GRIP1: variants seen among roughly 807,000 people sequenced by gnomAD.
GRIP1 encodes glutamate receptor interacting protein 1.
Under a neutral mutation model 129.9 loss-of-function variants are expected in GRIP1, and 45 were observed. The ratio of observed to expected loss-of-function variants is 0.35; its 90% CI spans 0.27 to 0.44. The LOEUF is 0.44. Among genes scored for constraint, GRIP1 ranks in the 20% least tolerant of loss-of-function variants. The pLI is 1.00. For missense variants in GRIP1, 1,196 were observed against 1,396.8 expected (o/e 0.86, Z 2.29); for synonymous variants, 530 against 520.8 (o/e 1.02, Z -0.24).
Position 67,056,721 on chromosome 12 carries a change from A to C in GRIP1, c.58+12329T>G, listed in dbSNP as rs577346202. ...CATCTGTTCAAAAGGATCAATTTCT[A>C]AACACTGAGAGATGAAACTTGTAAG... On this transcript the variant is annotated intron_variant, in intron 1 of 1. Transcript: ENST00000643019. 7.2e-5 allele frequency among the ~76,000 whole-genome samples: 11 copies of C among 152,312 alleles called. No individual in the cohort carries two copies. The South Asian group carries it at 2.3e-3, about 32-fold the overall frequency.
At chr12:66,649,037 A>G (rs2032587249) in intron 1 of GRIP1, among the ~76,000 whole-genome samples, 1 of 152,200 alleles carries the variant, frequency 6.6e-6, no homozygotes, top group South Asian at 2.1e-4. Context: ...CAGGGGGTTA[A>G]GCAAAGAAGA....
At chr12:66,403,753 A>G (rs190296155) in intron 16 of GRIP1, among the ~76,000 whole-genome samples, 1 of 152,340 alleles carries the variant, frequency 6.6e-6, no homozygotes, top group East Asian at 1.9e-4. Flanking sequence ...AATAGTATAC[A>G]TAGAGATTGT....
intron 1 of GRIP1, among the ~76,000 whole-genome samples, chr12:66,890,650 T>A (rs2040643091): frequency 1.3e-5 from 2 of 151,910 alleles, no homozygotes; most frequent in Non-Finnish European, 2.9e-5. Flanking sequence ...GAATATAAAA[T>A]TAGGGGAAAA....
At chr12:66,479,450 C>T (rs1025236621) in intron 7 of GRIP1, among the ~76,000 whole-genome samples, 6 of 152,130 alleles carry the variant, frequency 3.9e-5, no homozygotes, top group Admixed American at 2.0e-4. Flanking sequence ...CAAAAAAAAG[C>T]CCAGGACTGG....
intron 1 of GRIP1, among the ~76,000 whole-genome samples, chr12:66,675,213 A>G (rs2034270118): frequency 6.6e-6 from 1 of 152,178 alleles, no homozygotes; most frequent in East Asian, 1.9e-4. Flanking sequence ...GGGTGGCAGC[A>G]AAACAATGAA....
At chr12:66,434,775 G>A (rs1405425123) in intron 13 of GRIP1, among the ~76,000 whole-genome samples, 1 of 152,218 alleles carries the variant, frequency 6.6e-6, no homozygotes, top group African/African-American at 2.4e-5. Flanking sequence ...ATGCACACTG[G>A]GGGCAGAGAG....
At chr12:66,418,153 T>C (rs1325113286) in intron 15 of GRIP1, among the ~76,000 whole-genome samples, 1 of 152,140 alleles carries the variant, frequency 6.6e-6, no homozygotes, top group Admixed American at 6.5e-5. Context: ...AGTGAACTCA[T>C]TTTTGACAAA....
chr12:66,986,999 G>A (rs773664635), intron 1 of GRIP1, among the ~76,000 whole-genome samples: 23 of 152,080 alleles, frequency 1.5e-4, no homozygotes, highest in Admixed American at 7.9e-4. Context: ...TTTAGGGTCC[G>A]TTGGACAAAT....
At chr12:66,598,949 C>G (rs2064165621) in intron 1 of GRIP1, among the ~76,000 whole-genome samples, 1 of 152,084 alleles carries the variant, frequency 6.6e-6, no homozygotes, top group Non-Finnish European at 1.5e-5. Context: ...ACTTGATGCT[C>G]TATTTTAAGG....
intron 1 of GRIP1, among the ~76,000 whole-genome samples, chr12:67,026,057 C>A (rs1309806992): frequency 6.6e-6 from 1 of 152,070 alleles, no homozygotes; most frequent in African/African-American, 2.4e-5. Flanking sequence ...AGGTTAACTC[C>A]CTGTCGGGGC....
chr12:66,592,186 T>C (rs2063873111), intron 2 of GRIP1, among the ~76,000 whole-genome samples: 2 of 152,212 alleles, frequency 1.3e-5, no homozygotes, highest in African/African-American at 2.4e-5. Context: ...TCCTCCCTGG[T>C]GTCAAGGGTA....
intron 1 of GRIP1, among the ~76,000 whole-genome samples, chr12:66,817,391 CT>C (rs1443491443): frequency 1.3e-5 from 2 of 152,104 alleles, no homozygotes; most frequent in African/African-American, 2.4e-5. Context: ...ATATTTGACA[CT>C]AAAACTGAAA....
chr12:66,414,891 G>A (rs888619971), intron 15 of GRIP1, among the ~76,000 whole-genome samples: 30 of 143,698 alleles, frequency 2.1e-4, no homozygotes, highest in South Asian at 4.3e-4. Context: ...CTGGCTAATC[G>A]TATGCAGAAA....
At chr12:67,059,660 A>G (rs2043497734) in intron 1 of GRIP1, among the ~76,000 whole-genome samples, 1 of 152,236 alleles carries the variant, frequency 6.6e-6, no homozygotes, top group South Asian at 2.1e-4. Context: ...GGCAAGGTAA[A>G]AGCAGTTATG....
At chr12:66,507,337 C>CT (rs1472077399) in intron 7 of GRIP1, among the ~76,000 whole-genome samples, 1 of 151,916 alleles carries the variant, frequency 6.6e-6, no homozygotes, top group Non-Finnish European at 1.5e-5. Flanking sequence ...ACTTGGGAGG[C>CT]TGAGTCAGGA....
intron 2 of GRIP1, among the ~76,000 whole-genome samples, chr12:66,555,341 T>G (rs1225831592): frequency 2.0e-5 from 3 of 152,154 alleles, no homozygotes; most frequent in African/African-American, 7.2e-5. Context: ...ATAGCATTAC[T>G]GGGCTTGGGG....
At chr12:66,476,288 C>T (rs1592391904) in intron 7 of GRIP1, among the ~76,000 whole-genome samples, 1 of 152,154 alleles carries the variant, frequency 6.6e-6, no homozygotes, top group African/African-American at 2.4e-5. Context: ...AATTCCTGGA[C>T]ACATACACCC....
intron 1 of GRIP1, among the ~76,000 whole-genome samples, chr12:66,773,620 T>C (rs1327796837): frequency 1.3e-5 from 2 of 152,066 alleles, no homozygotes; most frequent in African/African-American, 2.4e-5. Flanking sequence ...GATGGGTTGA[T>C]AGGTGCAGCA....
At chr12:66,812,862 T>C (rs1377222183) in intron 1 of GRIP1, among the ~76,000 whole-genome samples, 1 of 152,246 alleles carries the variant, frequency 6.6e-6, no homozygotes, top group Non-Finnish European at 1.5e-5. Flanking sequence ...TTAAACAGTA[T>C]GTTTCCATGA....
Sources: allele counts gnomAD v4.1 joint callset (sites outside exome capture counted in the v4.1 genomes callset), GRCh38; gene constraint gnomAD v4.1.1; transcripts MANE v1.5; gene names NCBI Gene and HGNC (gene_info 2026-07-23, HGNC 2026-07-21).